Variants in UBA52 observed in about 807,000 individuals in gnomAD.
UBA52 encodes ubiquitin-ribosomal protein eL40 fusion protein.
A neutral mutation model predicts 15.3 loss-of-function variants in UBA52; 1 was observed. That is an observed-to-expected ratio of 0.07 (90% CI 0.02 to 0.31). UBA52 has a LOEUF of 0.31. Among genes scored for constraint, UBA52 ranks in the 10% least tolerant of loss-of-function variants. The probability of loss-of-function intolerance (pLI) is 1.00; values close to 1 mark genes in which losing one functional copy is unlikely to be tolerated. For synonymous variants in UBA52, 50 were observed against 58.3 expected (o/e 0.86, Z 0.65); for missense variants, 87 against 168.0 (o/e 0.52, Z 2.66).
At chr19:18,565,230 GT>G in the UBA52 span, 69,298 of 1,069,594 alleles carry the variant, frequency 0.065, no homozygotes, top group South Asian at 0.083. Context: ...TCGAGACAGA[GT>G]TTTTTTTTTT....
Position 18,573,721 on chromosome 19 carries a change from A to G in UBA52, c.163A>G (p.Thr55Ala), listed in dbSNP as rs776171061. The G allele has an allele frequency of 3.7e-6, 6 of 1,613,858 alleles. No individual in the cohort carries two copies. In the Admixed American group the frequency reaches 6.7e-5, roughly 18 times the overall value. ...FAGKQLEDGR[T>A]LSDYNIQKES... ...CGGCAAACAGCTGGAGGATGGCCGC[A>G]CTCTCTCAGACTACAACATCCAGAA... The change falls in exon 3 of 5, where the codon ACT becomes GCT. Residue 55 changes from threonine to alanine, a missense_variant. By Grantham distance (58) the Thr-to-Ala change is moderately conservative (BLOSUM62 0). Transcript: ENST00000442744.
At position 18,576,592 on chromosome 19, in the gene UBA52, C is replaced by G. The variant is rs1294746061; in HGVS notation, c.*1442C>G. On this transcript the variant is annotated 3_prime_UTR_variant, in exon 5 of 5. Transcript: ENST00000442744. ...AATATTTTGTAGAGATGGGGTCTTG[C>G]TATGTTGCCCAGGCTGGCTTCAAAC... 6.6e-6 allele frequency: 1 copy of G among 151,660 alleles called. No individual in the cohort carries two copies. Among genetic ancestry groups the G allele is most frequent in the African/African-American group, 2.4e-5 (1 of 41,216 alleles). The allele number at this position is 151,660 out of a possible 1,614,324, so 9.4% of individuals were successfully genotyped here.
chr19:18,573,192 G>A (rs563144837), intron 1 of UBA52, 101 bp from the exon 2 acceptor site: 5 of 1,230,996 alleles, frequency 4.1e-6, no homozygotes, highest in Non-Finnish European at 5.8e-6. Flanking sequence ...AGTTGGACTT[G>A]GTGCAGGCAA....
the UBA52 span, among the ~76,000 whole-genome samples, chr19:18,564,510 A>G: frequency 9.2e-5 from 14 of 151,986 alleles, no homozygotes; most frequent in African/African-American, 3.4e-4. Flanking sequence ...AGTCCCAGCT[A>G]TACTCGGGAG....
chr19:18,570,509 T>C (rs1257729212), upstream of UBA52, among the ~76,000 whole-genome samples: 46 of 102,144 alleles, frequency 4.5e-4, no homozygotes, highest in African/African-American at 3.2e-3. Context: ...CCGTGGCACT[T>C]TTTTTTTTTT....
At chr19:18,564,281 G>T in the UBA52 span, among the ~76,000 whole-genome samples, 1 of 152,086 alleles carries the variant, frequency 6.6e-6, no homozygotes, top group Non-Finnish European at 1.5e-5. Context: ...TGGCCCTATG[G>T]TGTCAGGGCT....
At chr19:18,571,294 G>C (rs1240626157), upstream of UBA52, among the ~76,000 whole-genome samples, 2 of 135,720 alleles carry the variant, frequency 1.5e-5, no homozygotes, top group Admixed American at 7.8e-5. Flanking sequence ...TGGGCAACGA[G>C]AGCGAAACTC....
the UBA52 span, chr19:18,565,304 A>C: frequency 1.6e-5 from 11 of 671,788 alleles, no homozygotes; most frequent in Non-Finnish European, 2.4e-5. Context: ...ACCTCAGCTC[A>C]CTGCAAGCTC....
the UBA52 span, chr19:18,565,097 T>A: frequency 6.4e-7 from 1 of 1,573,476 alleles, no homozygotes; most frequent in African/African-American, 1.3e-5. Flanking sequence ...TTCCTTCACA[T>A]ACCAGGGTAA....
chr19:18,573,835 GT>G, intron 3 of UBA52, 87 bp downstream of exon 3: 5 of 1,252,886 alleles, frequency 4.0e-6, no homozygotes, highest in Non-Finnish European at 5.7e-6. Context: ...TTGGGGAGCA[GT>G]TCAAATGACT....
At chr19:18,568,657 G>T (rs752660904), upstream of UBA52, 37 of 1,556,172 alleles carry the variant, frequency 2.4e-5, no homozygotes, top group Admixed American at 6.7e-5. Context: ...CCTTGAGGGG[G>T]TCTCAGGGCA....
intron 1 of UBA52, chr19:18,572,115 C>A (rs1298854911): frequency 1.3e-5 from 2 of 152,298 alleles, no homozygotes; most frequent in Non-Finnish European, 2.9e-5. Context: ...TGCCTGCCAG[C>A]GTGACCCCAC....
chr19:18,573,351 C>A lies in UBA52; in HGVS notation c.51C>A (p.Val17=). The A allele has an allele frequency of 6.2e-7, 1 of 1,614,146 alleles. No homozygotes were observed. The highest frequency in any genetic ancestry group is 1.3e-5 in the African/African-American group (1 of 75,022). Residue 17 remains valine (V), a synonymous_variant, in exon 2 of 5, where the codon GTC becomes GTA. Transcript: ENST00000442744. ...TLTGKTITLE[V]EPSDTIENVK... is the part of the protein sequence containing the mutation. ...CTGGCAAAACCATCACCCTTGAGGT[C>A]GAGCCCAGTGACACCATTGAGAATG... is the stretch of plus-strand genomic sequence containing the variant.
chr19:18,573,580 G>C (rs1975617479), intron 2 of UBA52, 82 bp from the exon 3 acceptor site: 2 of 1,474,616 alleles, frequency 1.4e-6, no homozygotes. Context: ...AGAAACTGGG[G>C]GTAGTGCTGG....
chr19:18,565,329 ACGC>A, the UBA52 span: 1 of 518,372 alleles, frequency 1.9e-6, no homozygotes, highest in East Asian at 3.3e-5. Context: ...TCCCGGGCTC[ACGC>A]CATTCTCCTG....
intron 1 of UBA52, chr19:18,573,069 G>T (rs533719841): frequency 1.3e-4 from 176 of 1,309,786 alleles, no homozygotes; most frequent in Non-Finnish European, 1.7e-4. Flanking sequence ...GAGGGTGGAG[G>T]ACATGTGGTC....
chr19:18,565,459 C>T, the UBA52 span, among the ~76,000 whole-genome samples: 2 of 152,130 alleles, frequency 1.3e-5, no homozygotes, highest in African/African-American at 4.8e-5. Context: ...GTCTCGATCT[C>T]CTGACCTCGT....
upstream of UBA52, among the ~76,000 whole-genome samples, chr19:18,566,792 C>CAA (rs112810621): frequency 8.8e-6 from 1 of 113,706 alleles, no homozygotes; most frequent in Non-Finnish European, 1.9e-5. Context: ...GATTCTGTCT[C>CAA]AAAAAAAAAA....
In UBA52 at chr19:18,575,861, CT is replaced by C. The variant is rs1162804622; in HGVS notation, c.*712del. The C allele has an allele frequency of 1.3e-5, 2 of 152,520 alleles. No homozygotes were observed. Among genetic ancestry groups the C allele is most frequent in the Admixed American group, 6.5e-5 (1 of 15,288 alleles). The allele number at this position is 152,520 out of a possible 1,614,324, so 9.4% of individuals were successfully genotyped here. The stretch of plus-strand genomic sequence containing the variant: ...TCCGGGGTTCACATCCTTCTCCTGC[CT>C]CAGCCTCCCGAGTAGCTGGGACTAC... On this transcript the variant is annotated 3_prime_UTR_variant, in exon 5 of 5. Coordinates refer to ENST00000442744, the MANE Select transcript of UBA52 (RefSeq NM_001033930.3).
Sources: allele counts gnomAD v4.1 joint callset (sites outside exome capture counted in the v4.1 genomes callset), GRCh38; gene constraint gnomAD v4.1.1; transcripts MANE v1.5; gene names NCBI Gene and HGNC (gene_info 2026-07-23, HGNC 2026-07-21).